The following PRAMEF15 variants were observed in gnomAD, a reference collection of about 807,000 sequenced individuals.
PRAMEF15 encodes the protein PRAME family member 15, also known as PRAME family member 9/15.
A neutral mutation model predicts 35.3 loss-of-function variants in PRAMEF15; 21 were observed. That is an observed-to-expected ratio of 0.59 (90% CI 0.42 to 0.86). The LOEUF (loss-of-function observed/expected upper bound fraction) is 0.86. PRAMEF15 is among the 40% of genes least tolerant of loss of function. The probability of loss-of-function intolerance (pLI) is 0.00; values close to 1 mark genes in which losing one functional copy is unlikely to be tolerated. For missense variants in PRAMEF15, 360 were observed against 574.1 expected, an observed-to-expected ratio of 0.63 and a Z score of 3.81; for synonymous variants, 122 against 223.3, an observed-to-expected ratio of 0.55 and a Z score of 4.05.
intron 2 of PRAMEF15, among the ~76,000 whole-genome samples, 165 bp from the exon 3 acceptor site, chr1:13,319,207 A>C (rs1308638734): frequency 1.3e-5 from 2 of 150,990 alleles, no homozygotes; most frequent in East Asian, 2.0e-4. Flanking sequence ...AAAAAAAAAA[A>C]ACAAAACAAT....
Position 13,319,731 on chromosome 1 carries a change from G to A in PRAMEF15, c.653G>A (p.Trp218Ter). The change falls in exon 3 of 4, where the codon TGG becomes TAG. Residue 218 changes from tryptophan (W) to a stop codon, truncating the protein, a stop_gained. Coordinates refer to ENST00000376152, the MANE Select transcript of PRAMEF15 (RefSeq NM_001098376.3). LOFTEE classifies it high-confidence loss of function. ...CAGGAGGTGGAAGTGAATTGCAAGTGGGTACTGCCCATCCTGACACAGTTT... is the reference window on the plus strand; with the variant it reads ...CAGGAGGTGGAAGTGAATTGCAAGTAGGTACTGCCCATCCTGACACAGTTT... ...CIQEVEVNCK[W>*]VLPILTQFTP... 2 of 1,596,854 alleles carry A rather than the reference G, an allele frequency of 1.3e-6. No homozygotes were observed. The highest frequency in any genetic ancestry group is 1.7e-5 in the Admixed American group (1 of 59,852).
chr1:13,317,129 G>C (rs1173181752), intron 1 of PRAMEF15, among the ~76,000 whole-genome samples: 5 of 151,564 alleles, frequency 3.3e-5, no homozygotes, highest in African/African-American at 1.2e-4. Context: ...GAGTGGAGTG[G>C]TATAATGTCA....
At position 13,319,579 on chromosome 1, in the gene PRAMEF15, C is replaced by T. The variant is rs1395009807; in HGVS notation, c.501C>T (p.Thr167=). The T allele has an allele frequency of 1.2e-6, 2 of 1,613,456 alleles. No individual in the cohort carries two copies. The highest frequency in any genetic ancestry group is 1.7e-6 in the Non-Finnish European group (2 of 1,179,482). The change falls in exon 3 of 4, where the codon ACC becomes ACT. Residue 167 remains threonine (T), a synonymous_variant. Transcript: ENST00000376152. The part of the protein sequence containing the change: ...LKNRTLDEYL[T]YLLLWVKQRK... ...ACAGGACTCTGGATGAATACCTCACCTACCTCCTTCTATGGGTCAAGCAGA... is the reference window on the plus strand; with the variant it reads ...ACAGGACTCTGGATGAATACCTCACTTACCTCCTTCTATGGGTCAAGCAGA...
intron 1 of PRAMEF15, 144 bp downstream of exon 1, chr1:13,315,802 T>G (rs4104395): frequency 8.6e-5 from 13 of 151,450 alleles, no homozygotes; most frequent in Admixed American, 2.6e-4. Context: ...AGCTTTGAAT[T>G]TTTTCCTCTA....
chr1:13,316,071 C>A (rs1404566242), intron 1 of PRAMEF15, among the ~76,000 whole-genome samples: 10 of 151,102 alleles, frequency 6.6e-5, no homozygotes, highest in African/African-American at 1.9e-4. Flanking sequence ...ACGATCTCAA[C>A]TCCCTGCAAC....
chr1:13,316,526 A>C (rs74773740), intron 1 of PRAMEF15, among the ~76,000 whole-genome samples: 50 of 150,798 alleles, frequency 3.3e-4, no homozygotes, highest in African/African-American at 8.8e-4. Flanking sequence ...TGGGGGGTGC[A>C]TGCCTGTAGT....
chr1:13,317,322 G>C (rs1396994288), intron 1 of PRAMEF15, among the ~76,000 whole-genome samples: 67 of 151,796 alleles, frequency 4.4e-4, no homozygotes, highest in Non-Finnish European at 5.1e-4. Context: ...CACCTGCCTC[G>C]GCCTCACAAA....
chr1:13,320,132 A>G (rs1640063480), intron 3 of PRAMEF15, among the ~76,000 whole-genome samples, 179 bp downstream of exon 3: 1 of 152,080 alleles, frequency 6.6e-6, no homozygotes, highest in South Asian at 2.1e-4. Context: ...AACCATCCCA[A>G]TAGAGGCAGA....
intron 2 of PRAMEF15, 145 bp from the exon 3 acceptor site, chr1:13,319,227 G>A (rs1285745898): frequency 1.4e-5 from 20 of 1,415,632 alleles, no homozygotes; most frequent in Admixed American, 1.3e-4. Flanking sequence ...TGTGGAAGTG[G>A]GCAGGATCCA....
rs1245350268 is a variant in PRAMEF15 at position 13,319,565 on chromosome 1, G to C, written c.487G>C (p.Asp163His). 6.2e-7 allele frequency: 1 copy of C among 1,613,858 alleles called. No individual in the cohort carries two copies. Among genetic ancestry groups the C allele is most frequent in the African/African-American group, 1.3e-5 (1 of 75,052 alleles). ...VELWLKNRTL[D>H]EYLTYLLLWV... Reference sequence around the variant, plus strand: ...ACTTTGGCTCAAGAACAGGACTCTGGATGAATACCTCACCTACCTCCTTCT... The same window carrying C: ...ACTTTGGCTCAAGAACAGGACTCTGCATGAATACCTCACCTACCTCCTTCT... Residue 163 changes from aspartate (D) to histidine (H), a missense_variant, in exon 3 of 4, where the codon GAT becomes CAT. By Grantham distance (81) the Asp-to-His change is moderately conservative. This residue lies in a region of PRAMEF15 where 36 missense variants were observed against 164.8 expected (regional missense o/e 0.22). Transcript: ENST00000376152.
Position 13,321,763 on chromosome 1 carries a change from C to A in PRAMEF15, c.936C>A (p.Asp312Glu). The part of the protein sequence containing the change: ...TITNCVLLES[D>E]LKHLSQCPSI... ...CTAACTGTGTGCTTTTGGAATCAGA[C>A]TTGAAGCATCTATCCCAGTGCCCGA... Residue 312 changes from aspartate (D) to glutamate (E), a missense_variant, in exon 4 of 4, where the codon GAC (aspartate) becomes GAA (glutamate). Coordinates refer to ENST00000376152, the MANE Select transcript of PRAMEF15 (RefSeq NM_001098376.3). 1 of 1,609,336 alleles carries A rather than the reference C, an allele frequency of 6.2e-7. No homozygotes were observed. The highest frequency in any genetic ancestry group is 8.5e-7 in the Non-Finnish European group (1 of 1,177,968).
chr1:13,321,187 TG>T (rs1276053071), intron 3 of PRAMEF15, among the ~76,000 whole-genome samples: 5 of 150,132 alleles, frequency 3.3e-5, no homozygotes, highest in African/African-American at 1.2e-4. Flanking sequence ...GATGGTGAAG[TG>T]ACTCAGCCTC....
intron 3 of PRAMEF15, 101 bp downstream of exon 3, chr1:13,320,054 G>T: frequency 6.3e-7 from 1 of 1,597,630 alleles, no homozygotes; most frequent in Non-Finnish European, 8.5e-7. Context: ...GGATGAAACA[G>T]TGAAGAGGAC....
At chr1:13,320,451 T>G (rs1439818702) in intron 3 of PRAMEF15, among the ~76,000 whole-genome samples, 1 of 151,982 alleles carries the variant, frequency 6.6e-6, no homozygotes, top group Non-Finnish European at 1.5e-5. Context: ...GAGATGGAGT[T>G]TCACTTTGAT....
Position 13,322,101 on chromosome 1 carries a change from A to T in PRAMEF15, c.1274A>T (p.Asp425Val). 2 of 1,609,358 alleles carry T rather than the reference A, an allele frequency of 1.2e-6. No individual in the cohort carries two copies. Among genetic ancestry groups the T allele is most frequent in the South Asian group, 2.2e-5 (2 of 90,684 alleles). The change falls in exon 4 of 4, where the codon GAT (aspartate) becomes GTT (valine). Residue 425 changes from aspartate (D) to valine (V), a missense_variant. Asp to Val is a radical substitution (Grantham distance 152, BLOSUM62 -3). Transcript: ENST00000376152. The part of the protein sequence containing the change: ...YPAPRESYGA[D>V]GTLCWSRFAQ... Reference sequence around the variant, plus strand: ...GCCCCCCGAGAGAGTTATGGTGCTGATGGTACTCTCTGCTGGAGCAGATTT... The same window carrying T: ...GCCCCCCGAGAGAGTTATGGTGCTGTTGGTACTCTCTGCTGGAGCAGATTT...
intron 1 of PRAMEF15, among the ~76,000 whole-genome samples, chr1:13,317,643 G>A (rs2100316471): frequency 1.3e-5 from 2 of 151,938 alleles, no homozygotes; most frequent in African/African-American, 4.8e-5. Context: ...TGGGTGTGGT[G>A]ATGCATAACT....
Position 13,321,794 on chromosome 1 carries a change from A to G in PRAMEF15, c.967A>G (p.Ser323Gly). The stretch of plus-strand genomic sequence containing the variant: ...GCATCTATCCCAGTGCCCGAGTATC[A>G]GTCAACTAAAGACCCTGGACCTGAG... ...LKHLSQCPSISQLKTLDLSGI... is the reference protein window; with the variant it reads ...LKHLSQCPSIGQLKTLDLSGI... The change falls in exon 4 of 4, where the codon AGT becomes GGT. Residue 323 changes from serine (S) to glycine (G), a missense_variant. By Grantham distance (56) the Ser-to-Gly change is moderately conservative (BLOSUM62 0). Transcript: ENST00000376152. 2 of 1,608,730 alleles carry G rather than the reference A, an allele frequency of 1.2e-6. 1 individual carries two copies. Among genetic ancestry groups the G allele is most frequent in the Non-Finnish European group, 1.7e-6 (2 of 1,177,688 alleles).
chr1:13,319,386 A>C lies in PRAMEF15; in HGVS notation c.308A>C (p.Gln103Pro), dbSNP rs1355187760. The C allele has an allele frequency of 6.2e-7, 1 of 1,611,184 alleles. No individual in the cohort carries two copies. Among genetic ancestry groups the C allele is most frequent in the Non-Finnish European group, 8.5e-7 (1 of 1,179,810 alleles). ...TTTTGCCACAGGAGGTGGAAACTCC[A>C]AGTGCTGGATTTACAGGATGTCTGT... Reference protein sequence around the residue: ...QGVRPRRWKLQVLDLQDVCEN... With the variant: ...QGVRPRRWKLPVLDLQDVCEN... Residue 103 changes from glutamine (Q) to proline (P), a missense_variant, in exon 3 of 4, where the codon CAA becomes CCA. This residue lies in a region of PRAMEF15 where 44 missense variants were observed against 25.9 expected (regional missense o/e 1.70). Transcript: ENST00000376152.
chr1:13,317,250 A>T (rs1356594665), intron 1 of PRAMEF15, among the ~76,000 whole-genome samples: 6,110 of 149,606 alleles, frequency 0.041, 4 homozygotes, highest in East Asian at 0.21. Context: ...TTGCTGTCTT[A>T]GTAGAGGCAG....
Sources: allele counts gnomAD v4.1 joint callset (sites outside exome capture counted in the v4.1 genomes callset), GRCh38; gene constraint gnomAD v4.1.1; regional missense constraint gnomAD v4.1.1; transcripts MANE v1.5; gene names NCBI Gene and HGNC (gene_info 2026-07-23, HGNC 2026-07-21).